The following PDE4D variants were observed in gnomAD, a reference collection of about 807,000 sequenced individuals.
PDE4D encodes the protein phosphodiesterase 4D, also known as 3',5'-cyclic-AMP phosphodiesterase 4D.
A neutral mutation model predicts 87.4 loss-of-function variants in PDE4D; 24 were observed. The observed-to-expected ratio is 0.27, with a 90% CI of 0.20 to 0.39. PDE4D has a LOEUF of 0.39. Ranked by LOEUF, PDE4D falls within the 10% of genes least tolerant of loss-of-function variation. The probability of loss-of-function intolerance (pLI) is 1.00; values close to 1 mark genes in which losing one functional copy is unlikely to be tolerated. For synonymous variants in PDE4D, 384 were observed against 383.2 expected, an observed-to-expected ratio of 1.00 and a Z score of -0.02; for missense variants, 714 against 1,041.0, an observed-to-expected ratio of 0.69 and a Z score of 4.32.
intron 1 of PDE4D, among the ~76,000 whole-genome samples, chr5:59,267,316 A>G (rs1301076998): frequency 6.6e-6 from 1 of 152,108 alleles, no homozygotes; most frequent in Non-Finnish European, 1.5e-5. Context: ...TTGCAATGGA[A>G]TGACATCCTG....
intron 1 of PDE4D, among the ~76,000 whole-genome samples, chr5:59,726,313 A>T (rs1231882301): frequency 5.9e-5 from 9 of 152,180 alleles, no homozygotes; most frequent in Non-Finnish European, 8.8e-5. Context: ...CCTACAAGAT[A>T]CTCATTGCTA....
At chr5:59,744,021 T>C (rs564581567) in intron 1 of PDE4D, among the ~76,000 whole-genome samples, 1 of 152,144 alleles carries the variant, frequency 6.6e-6, no homozygotes, top group Non-Finnish European at 1.5e-5. Flanking sequence ...GTGATTTATA[T>C]AATCTAAATG....
chr5:60,147,228 G>C (rs1387717307), intron 2 of PDE4D, among the ~76,000 whole-genome samples: 1 of 152,176 alleles, frequency 6.6e-6, no homozygotes, highest in African/African-American at 2.4e-5. Flanking sequence ...TACAAGAAAG[G>C]TTTCCCAGAA....
chr5:59,961,152 T>C (rs185736240), intron 3 of PDE4D, among the ~76,000 whole-genome samples: 14 of 152,174 alleles, frequency 9.2e-5, no homozygotes, highest in African/African-American at 3.4e-4. Flanking sequence ...GTAAACTTAC[T>C]TGTAAAAAGG....
At chr5:59,299,787 G>A (rs558317357) in intron 1 of PDE4D, among the ~76,000 whole-genome samples, 2 of 152,174 alleles carry the variant, frequency 1.3e-5, no homozygotes, top group Admixed American at 1.3e-4. Flanking sequence ...AAACGCCATG[G>A]GGTAGATTAA....
intron 1 of PDE4D, among the ~76,000 whole-genome samples, chr5:59,700,951 G>A (rs544584078): frequency 1.7e-4 from 26 of 152,152 alleles, no homozygotes; most frequent in African/African-American, 6.3e-4. Flanking sequence ...TCTCCATTCA[G>A]CCCCTAGAAT....
intron 2 of PDE4D, among the ~76,000 whole-genome samples, chr5:60,098,638 C>T (rs551588388): frequency 3.3e-5 from 5 of 152,056 alleles, no homozygotes; most frequent in South Asian, 2.1e-4. Context: ...TATCCTGCAA[C>T]GTTGCTGAAT....
chr5:59,106,691 C>T (rs1475368360), intron 5 of PDE4D, among the ~76,000 whole-genome samples: 2 of 152,158 alleles, frequency 1.3e-5, no homozygotes, highest in Admixed American at 6.5e-5. Context: ...ACCCGGGAGG[C>T]GGAGTTTGCG....
chr5:59,468,390 G>C (rs1241319934), intron 1 of PDE4D, among the ~76,000 whole-genome samples: 1 of 152,058 alleles, frequency 6.6e-6, no homozygotes, highest in Non-Finnish European at 1.5e-5. Context: ...TCAGGCAGCT[G>C]CATTTTCTTT....
At chr5:59,393,698 G>C (rs1351382562) in intron 1 of PDE4D, among the ~76,000 whole-genome samples, 1 of 152,148 alleles carries the variant, frequency 6.6e-6, no homozygotes, top group East Asian at 1.9e-4. Flanking sequence ...AGTTTGATCT[G>C]CTGGTTTTTA....
At chr5:59,038,019 C>T (rs1335554706) in intron 6 of PDE4D, among the ~76,000 whole-genome samples, 1 of 152,158 alleles carries the variant, frequency 6.6e-6, no homozygotes, top group African/African-American at 2.4e-5. Flanking sequence ...CATCTGCATA[C>T]GACATGCACA....
intron 1 of PDE4D, among the ~76,000 whole-genome samples, chr5:59,709,775 T>C (rs1419614979): frequency 6.6e-6 from 1 of 152,142 alleles, no homozygotes; most frequent in Non-Finnish European, 1.5e-5. Flanking sequence ...CTGGGTGGTA[T>C]GCAGAAAATA....
intron 1 of PDE4D, among the ~76,000 whole-genome samples, chr5:60,220,785 G>A (rs891506474): frequency 3.3e-5 from 5 of 152,114 alleles, no homozygotes; most frequent in Admixed American, 6.6e-5. Flanking sequence ...TGAACAAAGT[G>A]TTCACTATGC....
chr5:59,023,877 AAATAATTTTTCCCAT>A (rs1309265688), intron 6 of PDE4D, among the ~76,000 whole-genome samples: 3 of 151,986 alleles, frequency 2.0e-5, no homozygotes, highest in Non-Finnish European at 4.4e-5. Flanking sequence ...AAATAGCAAC[AAATAATTTTTCCCAT>A]GAATTCTACT....
At chr5:59,574,079 TATATTTATATATATAAATATATA>T (rs1822493768) in intron 1 of PDE4D, among the ~76,000 whole-genome samples, 2 of 114,360 alleles carry the variant, frequency 1.7e-5, no homozygotes, top group East Asian at 4.7e-4. Context: ...TATTTATATA[TATATTTATATATATAAATATATA>T]TTTATATATA....
intron 5 of PDE4D, among the ~76,000 whole-genome samples, chr5:59,100,749 C>T (rs933259522): frequency 6.6e-6 from 1 of 152,192 alleles, no homozygotes; most frequent in Admixed American, 6.5e-5. Context: ...TCTAGATCCA[C>T]AGAAGCTAGC....
At chr5:60,058,031 A>G (rs893014893) in intron 2 of PDE4D, among the ~76,000 whole-genome samples, 1 of 151,962 alleles carries the variant, frequency 6.6e-6, no homozygotes, top group African/African-American at 2.4e-5. Context: ...TCTATGTTTA[A>G]GTGTGATAAA....
At position 59,695,436 on chromosome 5, in the gene PDE4D, G is replaced by T. The variant is rs75729380; in HGVS notation, c.455+197732C>A. ...ATGCAACATGTTTGTTGAAATAGCCGAATTGTTTCACTAGTTATCTGATAG... is the reference window on the plus strand; with the variant it reads ...ATGCAACATGTTTGTTGAAATAGCCTAATTGTTTCACTAGTTATCTGATAG... On this transcript the variant is annotated intron_variant, in intron 1 of 14. Coordinates refer to ENST00000340635, the MANE Select transcript of PDE4D (RefSeq NM_001104631.2). 9.4e-3 allele frequency among the ~76,000 whole-genome samples: 1,432 copies of T among 152,116 alleles called. 15 individuals are homozygous for T. The highest frequency in any genetic ancestry group is 0.045 in the South Asian group (219 of 4,814).
At chr5:59,282,349 TAA>T (rs1363047204) in intron 1 of PDE4D, among the ~76,000 whole-genome samples, 1 of 152,000 alleles carries the variant, frequency 6.6e-6, no homozygotes, top group Admixed American at 6.6e-5. Context: ...TTCATTAAAA[TAA>T]GATTGGAGGC....
Sources: allele counts gnomAD v4.1 joint callset (sites outside exome capture counted in the v4.1 genomes callset), GRCh38; gene constraint gnomAD v4.1.1; transcripts MANE v1.5; gene names NCBI Gene and HGNC (gene_info 2026-07-23, HGNC 2026-07-21).